KATNB1: variants seen among roughly 807,000 people sequenced by gnomAD.
KATNB1 encodes the protein katanin p80 WD40 repeat-containing subunit B1.
In KATNB1, 38 loss-of-function variants were observed where a neutral mutation model predicts 82.3. The ratio of observed to expected loss-of-function variants is 0.46; its 90% CI spans 0.36 to 0.61. KATNB1 has a LOEUF of 0.61. Among genes scored for constraint, KATNB1 ranks in the 20% least tolerant of loss-of-function variants. The probability of loss-of-function intolerance (pLI) is 0.00; values close to 1 mark genes in which losing one functional copy is unlikely to be tolerated. For missense variants in KATNB1, 749 were observed against 915.7 expected (o/e 0.82, Z 2.35); for synonymous variants, 361 against 368.7 (o/e 0.98, Z 0.24).
In KATNB1 at chr16:57,738,463, C is replaced by T. The variant is rs372241448; in HGVS notation, c.40+1180C>T. Among the ~76,000 whole-genome samples the T allele has an allele frequency of 3.4e-4, 52 of 152,136 alleles. No individual in the cohort carries two copies. In the East Asian group the frequency reaches 9.3e-3, roughly 27 times the overall value. ...TAGAGACGGGGTTTCACCATGTTGG[C>T]CAGACTCGTCTCGAACCCCTGACCT... On this transcript the variant is annotated intron_variant, in intron 2 of 19. Transcript: ENST00000379661.
chr16:57,750,104 A>C (rs1000709418), intron 4 of KATNB1, among the ~76,000 whole-genome samples: 11 of 152,056 alleles, frequency 7.2e-5, no homozygotes, highest in African/African-American at 2.7e-4. Flanking sequence ...CTTTCCAACC[A>C]AGCAGCTTCT....
intron 4 of KATNB1, among the ~76,000 whole-genome samples, chr16:57,747,748 C>T (rs1426167390): frequency 2.0e-5 from 3 of 152,224 alleles, no homozygotes; most frequent in Admixed American, 6.5e-5. Context: ...AGCGCGTGGG[C>T]ACCAGCCATT....
In KATNB1 at chr16:57,751,050, C is replaced by G. The variant is rs1555582930; in HGVS notation, c.390+123C>G. 1.1e-6 allele frequency: 1 copy of G among 885,198 alleles called. No individual in the cohort carries two copies. The highest frequency in any genetic ancestry group is 1.6e-5 in the African/African-American group (1 of 60,736). The allele number at this position is 885,198 out of a possible 1,614,324, so 54.8% of individuals were successfully genotyped here. A position where few individuals can be genotyped will look rare whatever the true frequency, so the allele number is the denominator to read the frequency against. The stretch of plus-strand genomic sequence containing the variant: ...TCCCTTTCTGCAGCCACATCCACAC[C>G]ATCCTAGGGAAAGCGGGTGGCAGGC... On this transcript the variant is annotated intron_variant, in intron 5 of 19. Transcript: ENST00000379661. This position sits in a 1 kb window ranked among gnomAD's most constrained non-coding sequence, Gnocchi z 6.3.
At position 57,741,648 on chromosome 16, in the gene KATNB1, G is replaced by A. The variant is rs1555579488; in HGVS notation, c.41-39G>A. ...ACCCCTCCTTCACAAGGCCCCATCG[G>A]GCCGCCCTGATGGCCTCTCCCTCTC... is the stretch of plus-strand genomic sequence containing the variant. On this transcript the variant is annotated intron_variant, in intron 2 of 19. Transcript: ENST00000379661. 4 of 1,589,400 alleles carry A rather than the reference G, an allele frequency of 2.5e-6. No individual in the cohort carries two copies. In the Admixed American group the frequency reaches 6.8e-5, roughly 27 times the overall value.
intron 3 of KATNB1, among the ~76,000 whole-genome samples, chr16:57,743,855 G>A (rs16959338): frequency 0.019 from 2,921 of 152,322 alleles, 125 homozygotes; most frequent in African/African-American, 0.067. Flanking sequence ...ACAGTGAAAA[G>A]TCTTCCACCC....
Position 57,751,671 on chromosome 16 carries a change from T to G in KATNB1, c.463T>G (p.Phe155Val). ...CAGCCAGGCCGTGCGGTGTCTCCGG[T>G]TCAGCCCCGATGGGAAGTGGTTGGC... ...GHSQAVRCLR[F>V]SPDGKWLASA... is the part of the protein sequence containing the mutation. Residue 155 changes from phenylalanine (F) to valine (V), a missense_variant, in exon 7 of 20, where the codon TTC becomes GTC. Physicochemically the swap from Phe to Val is conservative, Grantham distance 50. This residue lies in a region of KATNB1 where 247 missense variants were observed against 349.4 expected (regional missense o/e 0.71). Coordinates refer to ENST00000379661, the MANE Select transcript of KATNB1 (RefSeq NM_005886.3). The surrounding 1 kb of genome is among the most constrained non-coding windows in gnomAD (Gnocchi z 6.3). The G allele has an allele frequency of 6.2e-7, 1 of 1,611,566 alleles. No individual in the cohort carries two copies. The highest frequency in any genetic ancestry group is 8.5e-7 in the Non-Finnish European group (1 of 1,180,006).
Position 57,757,112 on chromosome 16 carries a change from T to C in KATNB1, c.*166T>C, listed in dbSNP as rs1555587336. The stretch of plus-strand genomic sequence containing the variant: ...TGGTCCCTGGCCACCTCTACAGCCC[T>C]GAACTCTTGAGACAACTCTCTCCAG... On this transcript the variant is annotated 3_prime_UTR_variant, in exon 20 of 20. Coordinates refer to ENST00000379661, the MANE Select transcript of KATNB1 (RefSeq NM_005886.3). The C allele has an allele frequency of 3.1e-6, 2 of 654,696 alleles. No individual in the cohort carries two copies. Among genetic ancestry groups the C allele is most frequent in the Non-Finnish European group, 2.3e-6 (1 of 444,132 alleles). 40.6% of individuals were successfully genotyped at this position (654,696 alleles called of 1,614,324 possible).
chr16:57,753,598 T>C (rs1446630667), intron 12 of KATNB1, 79 bp downstream of exon 12: 2 of 1,555,962 alleles, frequency 1.3e-6, no homozygotes, highest in African/African-American at 2.7e-5. Flanking sequence ...GGTAGCCTGC[T>C]GTGGCTCCGC....
Position 57,751,033 on chromosome 16 carries a change from T to TGCAGCC in KATNB1, c.390+107_390+112dup, listed in dbSNP as rs2049222493. ...CTGCTGAGGGGACCTCTTCCCTTTC[T>TGCAGCC]GCAGCCACATCCACACCATCCTAGG... On this transcript the variant is annotated intron_variant, in intron 5 of 19. Transcript: ENST00000379661. The surrounding 1 kb of genome is among the most constrained non-coding windows in gnomAD (Gnocchi z 6.3). 2.1e-6 allele frequency: 2 copies of TGCAGCC among 962,328 alleles called. No individual in the cohort carries two copies. The highest frequency in any genetic ancestry group is 3.3e-6 in the Non-Finnish European group (2 of 604,588). 59.6% of individuals were successfully genotyped at this position (962,328 alleles called of 1,614,324 possible). A position where few individuals can be genotyped will look rare whatever the true frequency, so the allele number is the denominator to read the frequency against.
chr16:57,747,231 A>T (rs1429330789), intron 4 of KATNB1, among the ~76,000 whole-genome samples: 1 of 152,184 alleles, frequency 6.6e-6, no homozygotes, highest in African/African-American at 2.4e-5. Context: ...CGTGCCAGGC[A>T]GGAGGCCACC....
At chr16:57,752,471 G>C (rs1409229498) in intron 8 of KATNB1, 59 bp from the exon 9 acceptor site, 3 of 1,463,756 alleles carry the variant, frequency 2.0e-6, no homozygotes, top group Non-Finnish European at 2.8e-6. Context: ...GCTTCCCAGG[G>C]ACATGTGGAG....
At chr16:57,754,080 C>T (rs2049255090) in intron 13 of KATNB1, 85 bp downstream of exon 13, 5 of 1,188,288 alleles carry the variant, frequency 4.2e-6, no homozygotes, top group Non-Finnish European at 6.2e-6. Context: ...CCCAACAAGC[C>T]CCTTCCCAGG....
chr16:57,753,224 C>T lies in KATNB1; in HGVS notation c.1003C>T (p.Arg335Cys), dbSNP rs782162027. The change falls in exon 11 of 20, where the codon CGC (arginine) becomes TGC (cysteine). Residue 335 changes from arginine to cysteine, a missense_variant. Transcript: ENST00000379661. ...PLPNPSAPLR[R>C]IYERPSTTCS... ...GCCCAACCCCAGCGCCCCCCTCCGGCGCATCTATGAGCGGCCCAGCACAAC... is the reference window on the plus strand; with the variant it reads ...GCCCAACCCCAGCGCCCCCCTCCGGTGCATCTATGAGCGGCCCAGCACAAC... 9.3e-6 allele frequency: 15 copies of T among 1,606,728 alleles called. No individual in the cohort carries two copies. The highest frequency in any genetic ancestry group is 3.3e-5 in the Admixed American group (2 of 59,806).
intron 12 of KATNB1, 127 bp downstream of exon 12, chr16:57,753,646 G>C: frequency 3.9e-6 from 5 of 1,283,198 alleles, no homozygotes; most frequent in Non-Finnish European, 5.4e-6. Context: ...CCTGGGCTCC[G>C]TATCCTGTCC....
intron 8 of KATNB1, 67 bp from the exon 9 acceptor site, chr16:57,752,463 T>C (rs782804853): frequency 1.6e-5 from 22 of 1,416,504 alleles, no homozygotes; most frequent in Non-Finnish European, 2.1e-5. Context: ...AAAAGCTGGC[T>C]TCCCAGGGAC....
intron 4 of KATNB1, 27 bp downstream of exon 4, chr16:57,744,538 C>T (rs1555580787): frequency 6.5e-7 from 1 of 1,534,498 alleles, no homozygotes; most frequent in East Asian, 2.2e-5. Context: ...GCCTCCTGTG[C>T]ACGCACACCT....
At chr16:57,745,329 CGTGG>C (rs1555581122) in intron 4 of KATNB1, among the ~76,000 whole-genome samples, 21 of 117,298 alleles carry the variant, frequency 1.8e-4, no homozygotes, top group African/African-American at 6.3e-4. Context: ...GCCTGACCAA[CGTGG>C]AGAAACCCCA....
intron 2 of KATNB1, among the ~76,000 whole-genome samples, chr16:57,739,022 G>A (rs114287204): frequency 0.011 from 1,646 of 152,322 alleles, 47 homozygotes; most frequent in African/African-American, 0.037. Flanking sequence ...CAAAGGCCCT[G>A]AGGCAGGAGG....
Position 57,750,820 on chromosome 16 carries a change from T to C in KATNB1, c.290-7T>C, listed in dbSNP as rs1422182267. On this transcript the variant is annotated splice_region_variant and splice_polypyrimidine_tract_variant and intron_variant, in intron 4 of 19. Coordinates refer to ENST00000379661, the MANE Select transcript of KATNB1 (RefSeq NM_005886.3). ...TTAGCCACTGTCTCTGCTTTCCTTCTTGTTAGTTCTTCGCACACTCATGGG... is the reference window on the plus strand; with the variant it reads ...TTAGCCACTGTCTCTGCTTTCCTTCCTGTTAGTTCTTCGCACACTCATGGG... 6.2e-7 allele frequency: 1 copy of C among 1,612,702 alleles called. No individual in the cohort carries two copies. The highest frequency in any genetic ancestry group is 1.3e-5 in the African/African-American group (1 of 74,916).
Sources: allele counts gnomAD v4.1 joint callset (sites outside exome capture counted in the v4.1 genomes callset), GRCh38; gene constraint gnomAD v4.1.1; regional missense constraint gnomAD v4.1.1; non-coding constraint Gnocchi (gnomAD v3.1); transcripts MANE v1.5; gene names NCBI Gene and HGNC (gene_info 2026-07-23, HGNC 2026-07-21).